Variants in ROCK2 observed in about 807,000 individuals in gnomAD.
ROCK2 encodes the protein rho-associated protein kinase 2.
A neutral mutation model predicts 195.1 loss-of-function variants in ROCK2; 61 were observed. The observed-to-expected ratio is 0.31, with a 90% CI of 0.25 to 0.39. ROCK2 has a LOEUF of 0.39. Among genes scored for constraint, ROCK2 ranks in the 10% least tolerant of loss-of-function variants. The pLI is 1.00. For synonymous variants in ROCK2, 504 were observed against 545.5 expected (o/e 0.92, Z 1.06); for missense variants, 1,109 against 1,637.4 (o/e 0.68, Z 5.57).
intron 1 of ROCK2, among the ~76,000 whole-genome samples, chr2:11,293,838 C>G (rs895669341): frequency 3.9e-5 from 6 of 152,100 alleles, no homozygotes; most frequent in Admixed American, 1.3e-4. Flanking sequence ...ATGAGAGAGG[C>G]ATTAACGATA....
intron 4 of ROCK2, among the ~76,000 whole-genome samples, chr2:11,238,219 T>TGTGTGTGTGTGG (rs1665288822): frequency 6.7e-6 from 1 of 150,236 alleles, no homozygotes; most frequent in Admixed American, 6.6e-5. Context: ...AGTGTGTGTG[T>TGTGTGTGTGTGG]GTGTGTGTGT....
intron 3 of ROCK2, among the ~76,000 whole-genome samples, chr2:11,263,749 GTTT>G (rs1317379975): frequency 7.0e-6 from 1 of 143,358 alleles, no homozygotes. Context: ...AAGGGTTAAA[GTTT>G]TTTTTTTTTT....
intron 1 of ROCK2, among the ~76,000 whole-genome samples, chr2:11,303,092 A>G (rs575673745): frequency 9.2e-5 from 14 of 152,222 alleles, no homozygotes; most frequent in Non-Finnish European, 1.8e-4. Context: ...TTAAAAAGTT[A>G]AAGTTCTTCA....
At chr2:11,222,784 A>G (rs919401629) in intron 7 of ROCK2, among the ~76,000 whole-genome samples, 1 of 152,094 alleles carries the variant, frequency 6.6e-6, no homozygotes, top group African/African-American at 2.4e-5. Context: ...AAGGCCCTGG[A>G]GCTATGTTTA....
chr2:11,292,373 ATATAAG>A (rs1432108962), intron 1 of ROCK2, among the ~76,000 whole-genome samples: 1 of 152,190 alleles, frequency 6.6e-6, no homozygotes, highest in Non-Finnish European at 1.5e-5. Context: ...TCCTCACAGC[ATATAAG>A]TTAATACTAT....
Position 11,192,740 on chromosome 2 carries a change from A to G in ROCK2, c.3688-28T>C. ...ATGAATGCCAAAAGAACAATAAGTGATTTCCAAACATGCTATTTTTTTATG... is the reference window on the plus strand; with the variant it reads ...ATGAATGCCAAAAGAACAATAAGTGGTTTCCAAACATGCTATTTTTTTATG... On this transcript the variant is annotated intron_variant, in intron 30 of 32. Transcript: ENST00000315872. The surrounding 1 kb of genome is among the most constrained non-coding windows in gnomAD (Gnocchi z 5.0). The G allele has an allele frequency of 6.3e-7, 1 of 1,578,674 alleles. No homozygotes were observed. Among genetic ancestry groups the G allele is most frequent in the Non-Finnish European group, 8.6e-7 (1 of 1,163,554 alleles).
intron 9 of ROCK2, among the ~76,000 whole-genome samples, chr2:11,219,336 CAAAA>C (rs35159426): frequency 1.9e-4 from 13 of 67,386 alleles, no homozygotes; most frequent in Middle Eastern, 0.011. Flanking sequence ...CTTATCTCTA[CAAAA>C]AAAAAAAAAA....
chr2:11,211,904 T>C, intron 17 of ROCK2, 64 bp from the exon 18 acceptor site: 1 of 1,353,118 alleles, frequency 7.4e-7, no homozygotes, highest in Non-Finnish European at 9.9e-7. Context: ...TCAAAAGCTT[T>C]CTAATTTTTT....
At position 11,309,020 on chromosome 2, in the gene ROCK2, C is replaced by G. The variant is rs1383825576; in HGVS notation, c.142-21284G>C. 4 of 1,570,544 alleles carry G rather than the reference C, an allele frequency of 2.5e-6. No homozygotes were observed. In the African/African-American group the frequency reaches 5.4e-5, roughly 21 times the overall value. On this transcript the variant is annotated intron_variant, in intron 1 of 32. Transcript: ENST00000315872. Reference sequence around the variant, plus strand: ...ATCATAGCTCTGTGTAGCGTATTCACCCTTCAACAGGCAGGAAGCAAGCCG... The same window carrying G: ...ATCATAGCTCTGTGTAGCGTATTCAGCCTTCAACAGGCAGGAAGCAAGCCG...
In ROCK2 at chr2:11,214,948, C is replaced by T; in HGVS notation, c.1828G>A (p.Glu610Lys). ...RDLQDKNCLL[E>K]TAKLKLEKEF... The stretch of plus-strand genomic sequence containing the variant: ...TTTTCAAGTTTTAACTTGGCAGTCT[C>T]CAGCAGGCAGTTTTTATCTTGTAGA... Residue 610 changes from glutamate to lysine, a missense_variant, in exon 16 of 33, where the codon GAG becomes AAG. By Grantham distance (56) the Glu-to-Lys change is moderately conservative (BLOSUM62 1). Coordinates refer to ENST00000315872, the MANE Select transcript of ROCK2 (RefSeq NM_004850.5). 2 of 1,614,080 alleles carry T rather than the reference C, an allele frequency of 1.2e-6. No individual in the cohort carries two copies. The highest frequency in any genetic ancestry group is 1.1e-5 in the South Asian group (1 of 91,076).
chr2:11,293,205 C>T (rs1489000161), intron 1 of ROCK2, among the ~76,000 whole-genome samples: 1 of 152,198 alleles, frequency 6.6e-6, no homozygotes, highest in Non-Finnish European at 1.5e-5. Context: ...ACGGTTCTGC[C>T]ATTTAGTGGC....
intron 17 of ROCK2, 65 bp downstream of exon 17, chr2:11,214,292 A>AG: frequency 1.1e-6 from 1 of 897,772 alleles, no homozygotes; most frequent in East Asian, 2.4e-5. Flanking sequence ...TTAGTTTAGA[A>AG]TAACTTTTCT....
intron 5 of ROCK2, among the ~76,000 whole-genome samples, chr2:11,232,482 G>GCA (rs2148098139): frequency 6.6e-6 from 1 of 152,208 alleles, no homozygotes; most frequent in South Asian, 2.1e-4. Flanking sequence ...TCAAACAAAG[G>GCA]CACATGAAGT....
intron 3 of ROCK2, among the ~76,000 whole-genome samples, chr2:11,273,116 G>C (rs1448780086): frequency 6.5e-5 from 3 of 46,324 alleles, no homozygotes; most frequent in African/African-American, 1.9e-4. Flanking sequence ...AAAAAAAAAA[G>C]CTTTACAACA....
intron 32 of ROCK2, among the ~76,000 whole-genome samples, chr2:11,190,120 A>T (rs72785478): frequency 1.3e-5 from 2 of 152,172 alleles, no homozygotes; most frequent in South Asian, 4.1e-4. Flanking sequence ...AATGTTGCAG[A>T]TGTACAACAA....
chr2:11,208,796 T>G lies in ROCK2; in HGVS notation c.2204-349A>C, dbSNP rs928200733. 2.0e-5 allele frequency among the ~76,000 whole-genome samples: 3 copies of G among 152,232 alleles called. No homozygotes were observed. The East Asian group carries it at 5.8e-4, about 29-fold the overall frequency. The stretch of plus-strand genomic sequence containing the variant: ...TTAGTAGAGATGGGGTTTTGCCATG[T>G]TGGCCAGGCTGGTCTCAAACTCCTG... On this transcript the variant is annotated intron_variant, in intron 18 of 32. Transcript: ENST00000315872.
chr2:11,252,741 A>G (rs867853388), intron 3 of ROCK2, among the ~76,000 whole-genome samples: 43 of 152,104 alleles, frequency 2.8e-4, no homozygotes, highest in African/African-American at 9.9e-4. Context: ...CATAAGTGGG[A>G]GTTGAACAAT....
At chr2:11,217,369 C>T (rs748584503) in intron 11 of ROCK2, 200 bp from the exon 12 acceptor site, 2 of 673,190 alleles carry the variant, frequency 3.0e-6, no homozygotes, top group Admixed American at 3.6e-5. Flanking sequence ...TATCAGAGTA[C>T]ACATGTATAT....
At chr2:11,295,507 A>G (rs1229103585) in intron 1 of ROCK2, among the ~76,000 whole-genome samples, 1 of 152,130 alleles carries the variant, frequency 6.6e-6, no homozygotes, top group African/African-American at 2.4e-5. Flanking sequence ...ATGTTTTATT[A>G]ATTTTCCTAT....
Sources: allele counts gnomAD v4.1 joint callset (sites outside exome capture counted in the v4.1 genomes callset), GRCh38; gene constraint gnomAD v4.1.1; non-coding constraint Gnocchi (gnomAD v3.1); transcripts MANE v1.5; gene names NCBI Gene and HGNC (gene_info 2026-07-23, HGNC 2026-07-21).